Variants in SERINC5 observed in about 807,000 individuals in gnomAD.
SERINC5 encodes the protein serine incorporator 5, also known as chromosome 5 open reading frame 12.
SERINC5 carries 41 observed loss-of-function variants against 63.1 expected under a neutral mutation model. The ratio of observed to expected loss-of-function variants is 0.65; its 90% CI spans 0.51 to 0.84. The LOEUF is 0.84. Among genes scored for constraint, SERINC5 ranks in the 40% least tolerant of loss-of-function variants. The pLI is 0.00. For synonymous variants in SERINC5, 222 were observed against 215.2 expected, an observed-to-expected ratio of 1.03 and a Z score of -0.28; for missense variants, 523 against 573.0, an observed-to-expected ratio of 0.91 and a Z score of 0.89.
chr5:80,226,105 T>C (rs7734289), intron 1 of SERINC5, among the ~76,000 whole-genome samples: 92,418 of 151,318 alleles, frequency 0.61, 28,630 homozygotes, highest in African/African-American at 0.71. Flanking sequence ...TCCCCCCAGG[T>C]TGGAGTGCGG....
intron 1 of SERINC5, among the ~76,000 whole-genome samples, chr5:80,227,840 C>T (rs913434126): frequency 6.6e-6 from 1 of 151,770 alleles, no homozygotes; most frequent in Non-Finnish European, 1.5e-5. Context: ...CAGAGTGAGA[C>T]CCTGACTTAC....
At chr5:80,240,973 C>T (rs1030520514) in intron 1 of SERINC5, among the ~76,000 whole-genome samples, 2 of 152,058 alleles carry the variant, frequency 1.3e-5, no homozygotes, top group African/African-American at 4.8e-5. Context: ...TGTGCTCGGC[C>T]GTGTATTTCT....
Position 80,139,530 on chromosome 5 carries a change from T to A in SERINC5, c.*4133A>T, listed in dbSNP as rs1745374010. 1 of 984,848 alleles carries A rather than the reference T, an allele frequency of 1.0e-6. No homozygotes were observed. Among genetic ancestry groups the A allele is most frequent in the Non-Finnish European group, 1.2e-6 (1 of 829,830 alleles). 61.0% of individuals were successfully genotyped at this position (984,848 alleles called of 1,614,324 possible). A position where few individuals can be genotyped will look rare whatever the true frequency, so the allele number is the denominator to read the frequency against. ...CTTAAGGAAAAAAAAAGCTCTTTGG[T>A]AAAGGCCAAATATTTCAACCTTTCA... On this transcript the variant is annotated 3_prime_UTR_variant, in exon 12 of 12. Coordinates refer to ENST00000507668, the MANE Select transcript of SERINC5 (RefSeq NM_001174072.3).
At position 80,147,253 on chromosome 5, in the gene SERINC5, C is replaced by T; in HGVS notation, c.1085G>A (p.Gly362Asp). 1.9e-6 allele frequency: 3 copies of T among 1,603,690 alleles called. No homozygotes were observed. The highest frequency in any genetic ancestry group is 1.7e-6 in the Non-Finnish European group (2 of 1,175,594). The change falls in exon 10 of 12, where the codon GGT (glycine) becomes GAT (aspartate). Residue 362 changes from glycine to aspartate, a missense_variant. Transcript: ENST00000507668. ...IARCCFCFSPGGEDTEEQQPG... is the reference protein window; with the variant it reads ...IARCCFCFSPDGEDTEEQQPG... ...AAAAGCGCTCTGCTTACCCTCTCCA[C>T]CAGGACTGAAGCAAAAACAACAGCG... is the stretch of plus-strand genomic sequence containing the variant.
intron 2 of SERINC5, among the ~76,000 whole-genome samples, chr5:80,185,923 G>A (rs563045816): frequency 6.6e-5 from 10 of 152,154 alleles, no homozygotes; most frequent in East Asian, 1.9e-4. Flanking sequence ...CAGGGGATGC[G>A]ATAGCTTGGC....
chr5:80,119,106 GA>G (rs1180013831), intron 11 of SERINC5, among the ~76,000 whole-genome samples: 2 of 152,024 alleles, frequency 1.3e-5, no homozygotes, highest in African/African-American at 4.8e-5. Flanking sequence ...TAATATCTTT[GA>G]ACCTCAGCTT....
At chr5:80,246,598 A>C (rs926408526) in intron 1 of SERINC5, among the ~76,000 whole-genome samples, 1 of 152,204 alleles carries the variant, frequency 6.6e-6, no homozygotes. Flanking sequence ...AAGTCTTTCC[A>C]CAACAGCTGC....
chr5:80,178,108 G>A (rs781317989), intron 2 of SERINC5, 44 bp from the exon 3 acceptor site: 15 of 1,354,330 alleles, frequency 1.1e-5, no homozygotes, highest in Non-Finnish European at 1.5e-5. Flanking sequence ...AACTGAGTGA[G>A]AGGTGGACTG....
downstream of SERINC5, among the ~76,000 whole-genome samples, chr5:80,111,257 C>T (rs1035744457): frequency 6.6e-6 from 1 of 152,162 alleles, no homozygotes; most frequent in Non-Finnish European, 1.5e-5. Flanking sequence ...TAGCCAGCGA[C>T]CGAGAGACGG....
At chr5:80,130,236 C>T (rs546928610) in intron 11 of SERINC5, among the ~76,000 whole-genome samples, 6 of 151,960 alleles carry the variant, frequency 3.9e-5, no homozygotes, top group Admixed American at 2.0e-4. Flanking sequence ...AAAAACTAGC[C>T]GGGCCTGGTG....
rs1355532613 is a variant in SERINC5 at position 80,189,275 on chromosome 5, C to G, written c.196-11211G>C. On this transcript the variant is annotated intron_variant, in intron 2 of 11. Transcript: ENST00000507668. Reference sequence around the variant, plus strand: ...CCGGCAAGAGAGGCAGAGCTGGGGACACACCATCTCTCAGCCAGGTACTCC... The same window carrying G: ...CCGGCAAGAGAGGCAGAGCTGGGGAGACACCATCTCTCAGCCAGGTACTCC... Among the ~76,000 whole-genome samples the G allele has an allele frequency of 3.3e-5, 5 of 152,220 alleles. No individual in the cohort carries two copies. In the East Asian group the frequency reaches 7.7e-4, roughly 24 times the overall value.
intron 8 of SERINC5, 31 bp downstream of exon 8, chr5:80,158,805 A>C (rs768414177): frequency 3.1e-6 from 5 of 1,602,988 alleles, no homozygotes; most frequent in Non-Finnish European, 2.6e-6. Context: ...AAAGTCTGCA[A>C]AAGTGACCTT....
At chr5:80,251,242 G>A (rs1752397861) in intron 1 of SERINC5, among the ~76,000 whole-genome samples, 1 of 151,958 alleles carries the variant, frequency 6.6e-6, no homozygotes, top group Non-Finnish European at 1.5e-5. Flanking sequence ...TTGAGCCACT[G>A]CAATCCAGCC....
chr5:80,174,849 A>G, intron 5 of SERINC5, 105 bp downstream of exon 5: 2 of 694,270 alleles, frequency 2.9e-6, no homozygotes, highest in Non-Finnish European at 4.8e-6. Flanking sequence ...GCAGGTATAA[A>G]GGGAAACAAA....
In SERINC5 at chr5:80,141,447, GACTGC is replaced by G; in HGVS notation, c.*2211_*2215del. 1.0e-6 allele frequency: 1 copy of G among 985,460 alleles called. No homozygotes were observed. The highest frequency in any genetic ancestry group is 1.2e-6 in the Non-Finnish European group (1 of 829,976). The allele number at this position is 985,460 out of a possible 1,614,324, so 61.0% of individuals were successfully genotyped here. A position where few individuals can be genotyped will look rare whatever the true frequency, so the allele number is the denominator to read the frequency against. On this transcript the variant is annotated 3_prime_UTR_variant, in exon 12 of 12. Coordinates refer to ENST00000507668, the MANE Select transcript of SERINC5 (RefSeq NM_001174072.3). ...TACAAGGCCTTGTCAGCTGGACCTT[GACTGC>G]GCGTAAGGTCAGTTTCTCAAATCAC...
rs34195156 is a variant in SERINC5 at position 80,197,308 on chromosome 5, TGAGAGAGAGAGAGAGA to T, written c.195+5562_195+5577del. Among the ~76,000 whole-genome samples the T allele has an allele frequency of 2.2e-3, 299 of 137,064 alleles. 2 individuals carry two copies. Among genetic ancestry groups the T allele is most frequent in the Middle Eastern group, 7.5e-3 (2 of 266 alleles). The allele number at this position is 137,064 out of a possible 152,430, so 89.9% of individuals were successfully genotyped here. On this transcript the variant is annotated intron_variant, in intron 2 of 11. Transcript: ENST00000507668. ...GAGAGACAGAGCAAGACTCCATCTG[TGAGAGAGAGAGAGAGA>T]GAGAGAGAGAGAGAGAGAGAGAGAG... is the stretch of plus-strand genomic sequence containing the variant.
Position 80,139,811 on chromosome 5 carries a change from A to T in SERINC5, c.*3852T>A, listed in dbSNP as rs1745393071. ...GCCCAGTGTTCTTTCTGGGTGTGTA[A>T]GGTCTTACTTAGTTCAAGGTTTGTC... On this transcript the variant is annotated 3_prime_UTR_variant, in exon 12 of 12. Transcript: ENST00000507668. 1.0e-6 allele frequency: 1 copy of T among 985,372 alleles called. No homozygotes were observed. 61.0% of individuals were successfully genotyped at this position (985,372 alleles called of 1,614,324 possible). A position where few individuals can be genotyped will look rare whatever the true frequency, so the allele number is the denominator to read the frequency against.
In SERINC5 at chr5:80,143,769, C is replaced by G. The variant is rs1323670116; in HGVS notation, c.1280G>C (p.Trp427Ser). 1 of 1,536,010 alleles carries G rather than the reference C, an allele frequency of 6.5e-7. No homozygotes were observed. The highest frequency in any genetic ancestry group is 2.4e-5 in the East Asian group (1 of 40,938). ...ANIESFFSGS[W>S]SIFWVKMASC... ...GGCCATCTTGACCCAGAAGATGGAC[C>G]AGCTCCCGCTGAAGAAGCTCTCGAT... Residue 427 changes from tryptophan (W) to serine (S), a missense_variant, in exon 12 of 12, where the codon TGG becomes TCG. Trp to Ser is a radical substitution (Grantham distance 177). Coordinates refer to ENST00000507668, the MANE Select transcript of SERINC5 (RefSeq NM_001174072.3).
At chr5:80,164,057 T>C (rs547747975) in intron 7 of SERINC5, among the ~76,000 whole-genome samples, 2 of 152,326 alleles carry the variant, frequency 1.3e-5, no homozygotes, top group South Asian at 4.1e-4. Context: ...CTACTCATTA[T>C]TGGCCTGTTT....
Sources: gnomAD v4.1 joint callset for allele counts (sites outside exome capture counted in the v4.1 genomes callset) on GRCh38, gnomAD v4.1.1 for gene constraint, MANE v1.5 for transcripts, NCBI Gene and HGNC (gene_info 2026-07-23, HGNC 2026-07-21) for gene names.